Variants in SLC24A2 observed in about 807,000 individuals in gnomAD.
SLC24A2 encodes sodium/potassium/calcium exchanger 2.
A neutral mutation model predicts 62.0 loss-of-function variants in SLC24A2; 36 were observed. The ratio of observed to expected loss-of-function variants is 0.58; its 90% CI spans 0.44 to 0.77. SLC24A2 has a LOEUF of 0.77. SLC24A2 is among the 30% of genes least tolerant of loss of function. The pLI is 0.00. For missense variants in SLC24A2, 846 were observed against 817.9 expected (o/e 1.03, Z -0.42); for synonymous variants, 358 against 294.0 (o/e 1.22, Z -2.23).
intron 2 of SLC24A2, among the ~76,000 whole-genome samples, chr9:19,768,806 A>G (rs1267943058): frequency 6.6e-6 from 1 of 152,160 alleles, no homozygotes; most frequent in African/African-American, 2.4e-5. Flanking sequence ...TGCTTTCTTC[A>G]TCTGGCTTCC....
the SLC24A2 span, among the ~76,000 whole-genome samples, chr9:20,306,132 C>T: frequency 1.3e-5 from 2 of 152,212 alleles, no homozygotes; most frequent in Non-Finnish European, 2.9e-5. Context: ...GATAGGGACA[C>T]AACTCAGCCC....
At chr9:19,646,793 C>G (rs1231181883) in intron 2 of SLC24A2, among the ~76,000 whole-genome samples, 2 of 152,036 alleles carry the variant, frequency 1.3e-5, no homozygotes, top group African/African-American at 2.4e-5. Context: ...AACCAATTTT[C>G]CCAGGTATGT....
the SLC24A2 span, among the ~76,000 whole-genome samples, chr9:20,114,355 TA>T: frequency 6.6e-6 from 1 of 152,102 alleles, no homozygotes; most frequent in Non-Finnish European, 1.5e-5. Flanking sequence ...GAAGAGTGCT[TA>T]TCAGGTAATC....
the SLC24A2 span, among the ~76,000 whole-genome samples, chr9:19,973,864 G>A: frequency 1.6e-4 from 25 of 152,074 alleles, no homozygotes; most frequent in African/African-American, 5.3e-4. Context: ...GATAAAACAA[G>A]GTTATTGGAC....
At chr9:19,539,551 T>G (rs1415718885) in intron 8 of SLC24A2, among the ~76,000 whole-genome samples, 2 of 128,528 alleles carry the variant, frequency 1.6e-5, no homozygotes, top group African/African-American at 3.0e-5. Context: ...CTAGTTTGAT[T>G]GCACTGTGGT....
chr9:19,622,007 A>C (rs1473914832), intron 3 of SLC24A2, among the ~76,000 whole-genome samples: 1 of 152,228 alleles, frequency 6.6e-6, no homozygotes, highest in East Asian at 1.9e-4. Flanking sequence ...CAACTTCTAC[A>C]AAAGTTCATA....
the SLC24A2 span, among the ~76,000 whole-genome samples, chr9:20,253,861 C>T: frequency 1.3e-5 from 2 of 152,176 alleles, no homozygotes; most frequent in African/African-American, 2.4e-5. Context: ...TGTCATGACC[C>T]GTTCTGGGCA....
intron 2 of SLC24A2, among the ~76,000 whole-genome samples, chr9:19,739,113 T>C (rs1821598209): frequency 6.6e-6 from 1 of 152,148 alleles, no homozygotes; most frequent in South Asian, 2.1e-4. Flanking sequence ...TGAGACTCTG[T>C]TCCCTCCCCA....
chr9:20,180,190 A>G, the SLC24A2 span, among the ~76,000 whole-genome samples: 1 of 152,208 alleles, frequency 6.6e-6, no homozygotes, highest in Non-Finnish European at 1.5e-5. Context: ...TAACTCCTCT[A>G]TGATTTCTTT....
chr9:20,196,260 G>C, the SLC24A2 span, among the ~76,000 whole-genome samples: 1 of 152,168 alleles, frequency 6.6e-6, no homozygotes, highest in East Asian at 1.9e-4. Context: ...CTGCCTAGCT[G>C]TGAAAAGAAA....
chr9:19,920,105 T>C, the SLC24A2 span, among the ~76,000 whole-genome samples: 1 of 152,198 alleles, frequency 6.6e-6, no homozygotes, highest in Non-Finnish European at 1.5e-5. Context: ...GGGTCCTTGA[T>C]ATAGTCATGC....
At chr9:19,784,887 T>TA (rs1823116180) in intron 2 of SLC24A2, among the ~76,000 whole-genome samples, 1 of 152,228 alleles carries the variant, frequency 6.6e-6, no homozygotes, top group Non-Finnish European at 1.5e-5. Flanking sequence ...AACTTGGCTA[T>TA]AAAAGAATTA....
At chr9:20,126,376 T>A in the SLC24A2 span, among the ~76,000 whole-genome samples, 1 of 152,138 alleles carries the variant, frequency 6.6e-6, no homozygotes, top group Non-Finnish European at 1.5e-5. Context: ...CTTTTAGATT[T>A]TTTTTTTCTA....
At chr9:20,256,918 A>G in the SLC24A2 span, among the ~76,000 whole-genome samples, 5 of 121,204 alleles carry the variant, frequency 4.1e-5, no homozygotes, top group East Asian at 1.3e-3. Context: ...AAACTCCAGC[A>G]TGTACACACA....
the SLC24A2 span, among the ~76,000 whole-genome samples, chr9:20,218,688 GC>G: frequency 1.3e-5 from 2 of 152,172 alleles, no homozygotes; most frequent in Admixed American, 1.3e-4. Context: ...ACAGGACTGA[GC>G]CAAAGAAGGG....
the SLC24A2 span, among the ~76,000 whole-genome samples, chr9:19,866,003 G>GA: frequency 2.0e-5 from 3 of 152,066 alleles, no homozygotes; most frequent in African/African-American, 4.8e-5. Context: ...CTATTGGGGG[G>GA]AAAAATCTAA....
the SLC24A2 span, among the ~76,000 whole-genome samples, chr9:19,839,513 C>T: frequency 6.6e-6 from 1 of 152,004 alleles, no homozygotes; most frequent in East Asian, 1.9e-4. Flanking sequence ...AACCACCTGA[C>T]ACATTCTTTT....
chr9:19,720,099 T>C (rs1442217607), intron 2 of SLC24A2, among the ~76,000 whole-genome samples: 1 of 152,228 alleles, frequency 6.6e-6, no homozygotes, highest in Non-Finnish European at 1.5e-5. Flanking sequence ...TACTATTAGG[T>C]TGGTGCACAA....
intron 2 of SLC24A2, among the ~76,000 whole-genome samples, chr9:19,776,072 C>T (rs1335624644): frequency 1.3e-5 from 2 of 152,124 alleles, no homozygotes; most frequent in Non-Finnish European, 2.9e-5. Flanking sequence ...TGTAAATATG[C>T]ACATATGTAT....
Sources: allele counts gnomAD v4.1 joint callset (sites outside exome capture counted in the v4.1 genomes callset), GRCh38; gene constraint gnomAD v4.1.1; transcripts MANE v1.5; gene names NCBI Gene and HGNC (gene_info 2026-07-23, HGNC 2026-07-21).